MAP3K9: variants seen among roughly 807,000 people sequenced by gnomAD.
MAP3K9 encodes the protein mixed lineage kinase 1 (tyr and ser/thr specificity).
In MAP3K9, 46 loss-of-function variants were observed where a neutral mutation model predicts 95.8. The ratio of observed to expected loss-of-function variants is 0.48; its 90% CI spans 0.38 to 0.61. The LOEUF is 0.61. Ranked by LOEUF, MAP3K9 falls within the 20% of genes least tolerant of loss-of-function variation. The pLI is 0.00. For missense variants in MAP3K9, 1,296 were observed against 1,474.3 expected, an observed-to-expected ratio of 0.88 and a Z score of 1.98; for synonymous variants, 533 against 593.8, an observed-to-expected ratio of 0.90 and a Z score of 1.49.
intron 1 of MAP3K9, among the ~76,000 whole-genome samples, chr14:70,808,318 C>T (rs2055014475): frequency 6.6e-6 from 1 of 150,686 alleles, no homozygotes; most frequent in Non-Finnish European, 1.5e-5. Context: ...AAGCAAATGC[C>T]TTTAGGAGGC....
intron 2 of MAP3K9, among the ~76,000 whole-genome samples, chr14:70,767,391 A>G (rs1243600983): frequency 1.3e-5 from 2 of 151,074 alleles, no homozygotes; most frequent in Non-Finnish European, 3.0e-5. Flanking sequence ...CTCAAAAAAA[A>G]AAAAAAAAAA....
chr14:70,808,429 TG>T (rs1297429497), intron 1 of MAP3K9, among the ~76,000 whole-genome samples: 1 of 10,028 alleles, frequency 1.0e-4, no homozygotes, highest in Non-Finnish European at 1.9e-4. Flanking sequence ...AGATTGGGAA[TG>T]GGGGGCGGCG....
At chr14:70,760,288 A>C (rs1365607651) in intron 3 of MAP3K9, among the ~76,000 whole-genome samples, 2 of 152,124 alleles carry the variant, frequency 1.3e-5, no homozygotes, top group African/African-American at 4.8e-5. Context: ...CACAGCCATG[A>C]CAACATATAC....
rs1350324372 is a variant in MAP3K9, at chr14:70,724,466, C to G, written c.*5914G>C. On this transcript the variant is annotated 3_prime_UTR_variant, in exon 12 of 12. Coordinates refer to ENST00000554752, the MANE Select transcript of MAP3K9 (RefSeq NM_001284230.2). ...GGTACCTAAGCCCCTCTCACAGGTC[C>G]AGGTGAGGGGCAGGCAGGGCTGGGT... 6.6e-6 allele frequency: 1 copy of G among 151,918 alleles called. No individual in the cohort carries two copies. Among genetic ancestry groups the G allele is most frequent in the Non-Finnish European group, 1.5e-5 (1 of 67,986 alleles). The allele number at this position is 151,918 out of a possible 1,614,324, so 9.4% of individuals were successfully genotyped here.
intron 2 of MAP3K9, among the ~76,000 whole-genome samples, chr14:70,771,694 A>T (rs937045960): frequency 1.3e-5 from 2 of 152,222 alleles, no homozygotes; most frequent in Non-Finnish European, 1.5e-5. Flanking sequence ...GCCAAGCCCC[A>T]CCATCCATCT....
At chr14:70,793,290 G>A (rs181818912) in intron 2 of MAP3K9, among the ~76,000 whole-genome samples, 1 of 152,218 alleles carries the variant, frequency 6.6e-6, no homozygotes. Context: ...GATTAATAAC[G>A]AATGTACTGT....
chr14:70,793,652 T>TTTCTTTCATTCA (rs148795948), intron 2 of MAP3K9, among the ~76,000 whole-genome samples: 3 of 150,376 alleles, frequency 2.0e-5, no homozygotes, highest in Admixed American at 2.0e-4. Flanking sequence ...TCACATGATA[T>TTTCTTTCATTCA]TTCATTCATT....
intron 9 of MAP3K9, 24 bp from the exon 10 acceptor site, chr14:70,734,522 C>G: frequency 7.4e-7 from 1 of 1,350,192 alleles, no homozygotes; most frequent in Non-Finnish European, 1.1e-6. Context: ...AAAGAGGAAA[C>G]TGTCAGAACT....
At chr14:70,778,734 G>A (rs566635015) in intron 2 of MAP3K9, among the ~76,000 whole-genome samples, 7 of 152,218 alleles carry the variant, frequency 4.6e-5, no homozygotes, top group African/African-American at 1.2e-4. Flanking sequence ...CTCTATTTAC[G>A]GATATGTACT....
intron 2 of MAP3K9, among the ~76,000 whole-genome samples, chr14:70,776,939 C>T (rs2054607038): frequency 6.6e-6 from 1 of 151,504 alleles, no homozygotes; most frequent in Admixed American, 6.6e-5. Context: ...TCAAATTATT[C>T]TCCTGCCCCT....
At chr14:70,750,784 G>A (rs1422845855) in intron 3 of MAP3K9, among the ~76,000 whole-genome samples, 1 of 152,116 alleles carries the variant, frequency 6.6e-6, no homozygotes, top group Admixed American at 6.5e-5. Context: ...ACCACACCTG[G>A]CCTGTTATCA....
chr14:70,760,328 G>A (rs998965486), intron 3 of MAP3K9, among the ~76,000 whole-genome samples: 3 of 152,090 alleles, frequency 2.0e-5, no homozygotes, highest in African/African-American at 7.2e-5. Flanking sequence ...CCTCAGCTGG[G>A]AAAAATTTTA....
intron 5 of MAP3K9, among the ~76,000 whole-genome samples, chr14:70,747,344 C>A (rs1257084254): frequency 6.6e-6 from 1 of 152,188 alleles, no homozygotes; most frequent in Non-Finnish European, 1.5e-5. Context: ...CAAGGGGCTT[C>A]TCCCTTTGCT....
At chr14:70,756,642 C>G (rs144437352) in intron 3 of MAP3K9, among the ~76,000 whole-genome samples, 1 of 152,322 alleles carries the variant, frequency 6.6e-6, no homozygotes, top group Non-Finnish European at 1.5e-5. Flanking sequence ...AGTAAGTTCT[C>G]CTTCCTCTTT....
chr14:70,758,786 C>T (rs1185780064), intron 3 of MAP3K9, among the ~76,000 whole-genome samples: 8 of 147,862 alleles, frequency 5.4e-5, no homozygotes, highest in East Asian at 2.0e-4. Flanking sequence ...TTTTTTGAGA[C>T]GGAGTTTCAC....
intron 2 of MAP3K9, among the ~76,000 whole-genome samples, chr14:70,770,494 G>A (rs1295690835): frequency 6.6e-6 from 1 of 151,998 alleles, no homozygotes; most frequent in Admixed American, 6.6e-5. Context: ...CATATTTTCT[G>A]TTTCTAAATT....
In MAP3K9 at chr14:70,735,959, A is replaced by G. The variant is rs2139714050; in HGVS notation, c.1913+2T>C. 6.2e-7 allele frequency: 1 copy of G among 1,609,334 alleles called. No individual in the cohort carries two copies. Among genetic ancestry groups the G allele is most frequent in the Non-Finnish European group, 8.5e-7 (1 of 1,175,654 alleles). On this transcript the variant is annotated splice_donor_variant, in intron 9 of 11. Transcript: ENST00000554752. LOFTEE classifies it high-confidence loss of function. Reference sequence around the variant, plus strand: ...TGGTGAAAGGGTGAAGATGAGACTCACCCCAAGTGGAAATGTGGAGATTCT... The same window carrying G: ...TGGTGAAAGGGTGAAGATGAGACTCGCCCCAAGTGGAAATGTGGAGATTCT...
At position 70,733,194 on chromosome 14, in the gene MAP3K9, G is replaced by A; in HGVS notation, c.2175C>T (p.Asn725=). The A allele has an allele frequency of 1.9e-6, 3 of 1,610,610 alleles. No homozygotes were observed. The highest frequency in any genetic ancestry group is 2.5e-6 in the Non-Finnish European group (3 of 1,177,464). ...TCAGCTGAGGGGTACTCGTGGCCGA[G>A]TTGACTGGGGTGGGCTCCTCATGGA... ...DGIHEEPTPV[N]SATSTPQLTP... The change falls in exon 11 of 12, where the codon AAC becomes AAT. Residue 725 remains asparagine, a synonymous_variant. Coordinates refer to ENST00000554752, the MANE Select transcript of MAP3K9 (RefSeq NM_001284230.2).
At chr14:70,785,535 G>A (rs1159786530) in intron 2 of MAP3K9, among the ~76,000 whole-genome samples, 5 of 152,100 alleles carry the variant, frequency 3.3e-5, no homozygotes, top group African/African-American at 7.2e-5. Context: ...TTCTTGTGAC[G>A]TTATGAGATG....
Sources: gnomAD v4.1 joint callset for allele counts (sites outside exome capture counted in the v4.1 genomes callset) on GRCh38, gnomAD v4.1.1 for gene constraint, MANE v1.5 for transcripts, NCBI Gene and HGNC (gene_info 2026-07-23, HGNC 2026-07-21) for gene names.